ELMO1: variants seen among roughly 807,000 people sequenced by gnomAD.
The protein encoded by ELMO1 is engulfment and cell motility 1.
In ELMO1, 26 loss-of-function variants were observed where a neutral mutation model predicts 98.9. That is an observed-to-expected ratio of 0.26 (90% CI 0.19 to 0.36). The LOEUF is 0.36. ELMO1 is among the 10% of genes least tolerant of loss of function. The pLI is 1.00. For missense variants in ELMO1, 627 were observed against 935.2 expected, an observed-to-expected ratio of 0.67 and a Z score of 4.30; for synonymous variants, 346 against 346.0, an observed-to-expected ratio of 1.00 and a Z score of 0.00.
intron 5 of ELMO1, among the ~76,000 whole-genome samples, chr7:37,261,720 A>G (rs1316382279): frequency 6.6e-6 from 1 of 152,002 alleles, no homozygotes; most frequent in East Asian, 1.9e-4. Context: ...CTCCTGTCTC[A>G]GCGTCCCAAG....
chr7:37,045,270 T>C (rs1322668216), intron 15 of ELMO1, among the ~76,000 whole-genome samples: 1 of 152,206 alleles, frequency 6.6e-6, no homozygotes, highest in Non-Finnish European at 1.5e-5. Context: ...TGGTAATGAA[T>C]ATAATACACT....
chr7:37,366,738 C>T (rs190523870), intron 1 of ELMO1, among the ~76,000 whole-genome samples: 6 of 152,272 alleles, frequency 3.9e-5, no homozygotes, highest in Admixed American at 3.9e-4. Context: ...GTGAGCCAGG[C>T]CAACTTCAGC....
chr7:36,974,352 T>C (rs368826067), intron 16 of ELMO1, among the ~76,000 whole-genome samples: 15 of 152,290 alleles, frequency 9.8e-5, no homozygotes, highest in African/African-American at 3.6e-4. Context: ...AGAACCTTTA[T>C]GTCTAGCTCA....
chr7:37,322,286 T>C (rs1799560662), intron 2 of ELMO1, among the ~76,000 whole-genome samples: 1 of 151,964 alleles, frequency 6.6e-6, no homozygotes, highest in Admixed American at 6.6e-5. Flanking sequence ...GAGACCAGCC[T>C]AGGCAACATG....
intron 2 of ELMO1, among the ~76,000 whole-genome samples, chr7:37,319,230 AC>A (rs1176845934): frequency 2.0e-5 from 3 of 151,892 alleles, no homozygotes; most frequent in Non-Finnish European, 4.4e-5. Context: ...CCCTCAATCT[AC>A]CCAACGGTAG....
chr7:37,208,418 A>C (rs989197845), intron 13 of ELMO1, among the ~76,000 whole-genome samples: 1 of 152,252 alleles, frequency 6.6e-6, no homozygotes, highest in Non-Finnish European at 1.5e-5. Flanking sequence ...TTGGGAGCAG[A>C]AACATGAGAA....
chr7:37,341,310 C>T (rs1016534896), intron 2 of ELMO1, among the ~76,000 whole-genome samples: 1 of 152,180 alleles, frequency 6.6e-6, no homozygotes, highest in Non-Finnish European at 1.5e-5. Flanking sequence ...CAAACCTAAT[C>T]CAAACTACAT....
intron 1 of ELMO1, among the ~76,000 whole-genome samples, chr7:37,362,235 A>ATATATATATAT (rs369021694): frequency 1.3e-5 from 2 of 149,700 alleles, no homozygotes; most frequent in South Asian, 2.1e-4. Context: ...TATATATATA[A>ATATATATATAT]TTTCTCCGTT....
At chr7:36,940,224 AGGGCTTACAGTCACACTG>A (rs2129093998) in intron 16 of ELMO1, among the ~76,000 whole-genome samples, 1 of 152,344 alleles carries the variant, frequency 6.6e-6, no homozygotes, top group South Asian at 2.1e-4. Context: ...AAGCTTAACA[AGGGCTTACAGTCACACTG>A]GGGCAAATCT....
At chr7:37,194,627 G>A (rs571909638) in intron 13 of ELMO1, among the ~76,000 whole-genome samples, 2 of 152,194 alleles carry the variant, frequency 1.3e-5, no homozygotes, top group South Asian at 4.1e-4. Flanking sequence ...AGCCTCAAAG[G>A]AGCAGAAATT....
intron 12 of ELMO1, among the ~76,000 whole-genome samples, chr7:37,212,629 G>A (rs1793042545): frequency 6.6e-6 from 1 of 152,128 alleles, no homozygotes; most frequent in Non-Finnish European, 1.5e-5. Context: ...AAGTGCCACG[G>A]CAGCTACACA....
chr7:37,123,678 A>G (rs1405728038), intron 14 of ELMO1, among the ~76,000 whole-genome samples: 2 of 152,184 alleles, frequency 1.3e-5, no homozygotes, highest in African/African-American at 4.8e-5. Flanking sequence ...CCAGAACCAG[A>G]CAGATTCACA....
At chr7:37,122,588 G>T (rs140348521) in intron 14 of ELMO1, among the ~76,000 whole-genome samples, 4 of 152,178 alleles carry the variant, frequency 2.6e-5, no homozygotes, top group Non-Finnish European at 4.4e-5. Context: ...AAGAGTTAAC[G>T]ATCCTAAATA....
intron 15 of ELMO1, among the ~76,000 whole-genome samples, chr7:37,079,825 AGGCATCAATTCTAG>A (rs969262907): frequency 6.6e-6 from 1 of 152,176 alleles, no homozygotes; most frequent in African/African-American, 2.4e-5. Context: ...GGGGTGCTCT[AGGCATCAATTCTAG>A]GGCCTCTTCA....
At chr7:37,137,229 C>A (rs1461260890) in intron 13 of ELMO1, among the ~76,000 whole-genome samples, 1 of 152,116 alleles carries the variant, frequency 6.6e-6, no homozygotes, top group African/African-American at 2.4e-5. Context: ...TATCACAATA[C>A]TAAATATATA....
intron 13 of ELMO1, among the ~76,000 whole-genome samples, chr7:37,169,412 GA>G (rs1267418598): frequency 6.6e-6 from 1 of 152,176 alleles, no homozygotes; most frequent in African/African-American, 2.4e-5. Flanking sequence ...TGGAAATGCA[GA>G]AATCACCCGT....
intron 7 of ELMO1, among the ~76,000 whole-genome samples, chr7:37,244,024 C>T (rs1258932899): frequency 1.3e-5 from 2 of 152,084 alleles, no homozygotes. Context: ...ATCACACAGG[C>T]CACATAAAAG....
At chr7:37,340,809 C>T (rs1441678018) in intron 2 of ELMO1, among the ~76,000 whole-genome samples, 2 of 152,168 alleles carry the variant, frequency 1.3e-5, no homozygotes, top group Admixed American at 6.5e-5. Context: ...ACACTAACCT[C>T]ACAGGTAAGG....
At chr7:37,047,951 G>C (rs192987693) in intron 15 of ELMO1, among the ~76,000 whole-genome samples, 2 of 152,132 alleles carry the variant, frequency 1.3e-5, no homozygotes, top group Non-Finnish European at 2.9e-5. Flanking sequence ...GAATATGTCA[G>C]TACCTTAAAT....
Sources: allele counts gnomAD v4.1 joint callset (sites outside exome capture counted in the v4.1 genomes callset), GRCh38; gene constraint gnomAD v4.1.1; transcripts MANE v1.5; gene names NCBI Gene and HGNC (gene_info 2026-07-23, HGNC 2026-07-21).